The following RGS6 variants were observed in gnomAD, a reference collection of about 807,000 sequenced individuals.
RGS6 encodes regulator of G protein signaling 6.
A neutral mutation model predicts 78.5 loss-of-function variants in RGS6; 30 were observed. The ratio of observed to expected loss-of-function variants is 0.38; its 90% CI spans 0.29 to 0.52. RGS6 has a LOEUF of 0.52. RGS6 is among the 20% of genes least tolerant of loss of function. RGS6 has a pLI of 0.85. For synonymous variants in RGS6, 206 were observed against 206.0 expected, an observed-to-expected ratio of 1.00 and a Z score of 0.00; for missense variants, 495 against 609.7, an observed-to-expected ratio of 0.81 and a Z score of 1.98.
chr14:72,492,578 C>T lies in RGS6; in HGVS notation c.855-2574C>T, dbSNP rs533594919. Among the ~76,000 whole-genome samples, 13 of 152,212 alleles carry T rather than the reference C, an allele frequency of 8.5e-5. No individual in the cohort carries two copies. In the South Asian group the frequency reaches 2.3e-3, roughly 27 times the overall value. ...TCGGGGGAGAAAAAGGGATGGGAGA[C>T]GGGGGCAGGAGAGAAGGTGAAAGCC... On this transcript the variant is annotated intron_variant, in intron 12 of 17. Transcript: ENST00000553525.
intron 3 of RGS6, among the ~76,000 whole-genome samples, chr14:72,443,915 A>G (rs766657009): frequency 1.3e-5 from 2 of 152,232 alleles, no homozygotes; most frequent in African/African-American, 2.4e-5. Flanking sequence ...CGATGTCCAC[A>G]GTGGCAACGA....
intron 2 of RGS6, among the ~76,000 whole-genome samples, chr14:72,280,819 T>G (rs1399586101): frequency 6.6e-6 from 1 of 152,192 alleles, no homozygotes; most frequent in African/African-American, 2.4e-5. Flanking sequence ...TGAGACTGAG[T>G]CCAGGTCTTA....
At chr14:72,358,353 C>T (rs369563894) in intron 3 of RGS6, among the ~76,000 whole-genome samples, 3 of 152,178 alleles carry the variant, frequency 2.0e-5, no homozygotes, top group East Asian at 1.9e-4. Flanking sequence ...GGTAGGTCCA[C>T]CCCCAGCTTG....
rs1214217248 is a variant in RGS6 at position 72,078,440 on chromosome 14, G to A, written c.84+113565G>A. The stretch of plus-strand genomic sequence containing the variant: ...CTTTCTTTTTTTTTTAAGAGATGGA[G>A]TCTTGCTCTGTCGTCCAGGCTAGAG... On this transcript the variant is annotated intron_variant, in intron 2 of 17. Coordinates refer to ENST00000553525, the MANE Select transcript of RGS6 (RefSeq NM_001204424.2). 4.0e-5 allele frequency among the ~76,000 whole-genome samples: 6 copies of A among 151,578 alleles called. No individual in the cohort carries two copies. In the East Asian group the frequency reaches 9.7e-4, roughly 24 times the overall value.
chr14:72,228,816 C>A (rs1307707373), intron 2 of RGS6, among the ~76,000 whole-genome samples: 2 of 152,206 alleles, frequency 1.3e-5, no homozygotes, highest in Non-Finnish European at 2.9e-5. Context: ...GAGGCCAAGG[C>A]AGCCAGATCA....
chr14:72,154,510 G>T (rs2096742785), intron 2 of RGS6, among the ~76,000 whole-genome samples: 1 of 152,128 alleles, frequency 6.6e-6, no homozygotes, highest in Non-Finnish European at 1.5e-5. Context: ...CTCTGTTTGG[G>T]GGGGGTCCCT....
intron 2 of RGS6, among the ~76,000 whole-genome samples, chr14:72,150,595 A>G (rs1176801524): frequency 6.6e-6 from 1 of 152,030 alleles, no homozygotes; most frequent in Non-Finnish European, 1.5e-5. Context: ...ACTTACAATC[A>G]TGGCAGAAGG....
the RGS6 span, among the ~76,000 whole-genome samples, chr14:72,617,505 T>A: frequency 6.6e-6 from 1 of 152,098 alleles, no homozygotes. Context: ...ATGAGGAAGA[T>A]GAAAATTCCA....
intron 2 of RGS6, among the ~76,000 whole-genome samples, chr14:72,165,166 C>T (rs932636280): frequency 1.3e-5 from 2 of 152,218 alleles, no homozygotes; most frequent in Non-Finnish European, 2.9e-5. Context: ...TTGCTCACCA[C>T]GTCTAGAACA....
chr14:71,914,263 G>T, the RGS6 span, among the ~76,000 whole-genome samples: 33 of 152,260 alleles, frequency 2.2e-4, no homozygotes, highest in African/African-American at 7.5e-4. Context: ...TTAGAGAAGT[G>T]AGGAAAACTT....
rs561567589 is a variant in RGS6, at chr14:72,195,841, A to G, written c.85-156254A>G. ...TGCGTTTGCCAGTGTTCATGTGTTC[A>G]CTTAAGAATTAATATTATTCTCCAA... On this transcript the variant is annotated intron_variant, in intron 2 of 17. Coordinates refer to ENST00000553525, the MANE Select transcript of RGS6 (RefSeq NM_001204424.2). Among the ~76,000 whole-genome samples the G allele has an allele frequency of 5.3e-5, 8 of 152,354 alleles. No individual in the cohort carries two copies. The East Asian group carries it at 1.5e-3, about 29-fold the overall frequency.
chr14:72,572,106 T>C, the RGS6 span, among the ~76,000 whole-genome samples: 16 of 152,308 alleles, frequency 1.1e-4, no homozygotes, highest in African/African-American at 3.8e-4. Context: ...CATGATGAGA[T>C]ACCACTTCAC....
intron 3 of RGS6, among the ~76,000 whole-genome samples, chr14:72,427,208 G>A (rs1339390571): frequency 6.6e-6 from 1 of 152,196 alleles, no homozygotes; most frequent in Non-Finnish European, 1.5e-5. Context: ...GTAAGAGAGA[G>A]ACTATATAAC....
intron 2 of RGS6, among the ~76,000 whole-genome samples, chr14:72,293,492 G>A (rs548403268): frequency 2.3e-4 from 35 of 150,948 alleles, no homozygotes; most frequent in South Asian, 1.1e-3. Context: ...TCCCCTTTCC[G>A]CTTTCCCACT....
chr14:72,428,012 C>T (rs549772334), intron 3 of RGS6, among the ~76,000 whole-genome samples: 1 of 152,104 alleles, frequency 6.6e-6, no homozygotes, highest in Non-Finnish European at 1.5e-5. Context: ...GAACAAAGGG[C>T]ATTGGAAAAG....
At chr14:71,910,043 A>T in the RGS6 span, among the ~76,000 whole-genome samples, 1 of 152,066 alleles carries the variant, frequency 6.6e-6, no homozygotes, top group African/African-American at 2.4e-5. Flanking sequence ...AAAAATAATT[A>T]GCCAGGTGTG....
At chr14:72,235,280 T>A (rs1170741412) in intron 2 of RGS6, among the ~76,000 whole-genome samples, 1 of 152,096 alleles carries the variant, frequency 6.6e-6, no homozygotes, top group East Asian at 1.9e-4. Context: ...GAGGAAAATA[T>A]GAGAAGATCT....
chr14:72,096,035 G>A (rs969934608), intron 2 of RGS6, among the ~76,000 whole-genome samples: 1 of 152,150 alleles, frequency 6.6e-6, no homozygotes, highest in African/African-American at 2.4e-5. Flanking sequence ...TTTGGAGGCC[G>A]AGGCAGGTGG....
chr14:72,286,022 T>G (rs1409982342), intron 2 of RGS6, among the ~76,000 whole-genome samples: 1 of 152,186 alleles, frequency 6.6e-6, no homozygotes, highest in Admixed American at 6.5e-5. Flanking sequence ...TTTGATGTAG[T>G]CCCACTTGCC....
Sources: allele counts gnomAD v4.1 joint callset (sites outside exome capture counted in the v4.1 genomes callset), GRCh38; gene constraint gnomAD v4.1.1; transcripts MANE v1.5; gene names NCBI Gene and HGNC (gene_info 2026-07-23, HGNC 2026-07-21).